The following WDR7 variants were observed in gnomAD, a reference collection of about 807,000 sequenced individuals.
WDR7 encodes WD repeat domain 7.
A neutral mutation model predicts 169.4 loss-of-function variants in WDR7; 46 were observed. That is an observed-to-expected ratio of 0.27 (90% confidence interval 0.21 to 0.35). The LOEUF (loss-of-function observed/expected upper bound fraction) is 0.35. Ranked by LOEUF, WDR7 falls within the 10% of genes least tolerant of loss-of-function variation. The pLI is 1.00. For synonymous variants in WDR7, 612 were observed against 666.8 expected (o/e 0.92, Z 1.27); for missense variants, 1,534 against 1,859.3 (o/e 0.83, Z 3.22).
chr18:56,655,014 T>C (rs1034203678), intron 1 of WDR7, among the ~76,000 whole-genome samples: 3 of 152,244 alleles, frequency 2.0e-5, no homozygotes, highest in South Asian at 2.1e-4. Flanking sequence ...TCTAACACTA[T>C]ACTGTTTTAA....
chr18:56,719,424 T>C (rs1330050204), intron 13 of WDR7, among the ~76,000 whole-genome samples: 1 of 151,990 alleles, frequency 6.6e-6, no homozygotes, highest in Non-Finnish European at 1.5e-5. Flanking sequence ...TAGCCGGGCA[T>C]GTTGGCGGGC....
intron 20 of WDR7, among the ~76,000 whole-genome samples, chr18:56,862,811 T>G (rs1428890241): frequency 1.3e-5 from 2 of 151,892 alleles, no homozygotes; most frequent in African/African-American, 4.8e-5. Context: ...ATTGATATTC[T>G]GGTAACCATG....
In WDR7 at chr18:56,854,341, A is replaced by G. The variant is rs928326384; in HGVS notation, c.3305-25603A>G. 3.3e-5 allele frequency among the ~76,000 whole-genome samples: 5 copies of G among 152,256 alleles called. No homozygotes were observed. In the East Asian group the frequency reaches 7.7e-4, roughly 23 times the overall value. On this transcript the variant is annotated intron_variant, in intron 20 of 27. Coordinates refer to ENST00000254442, the MANE Select transcript of WDR7 (RefSeq NM_015285.3). ...AGAACTTAGGGAAACACATACTTGTATCTTCTGGTTTATCATAAAGGATAT... is the reference window on the plus strand; with the variant it reads ...AGAACTTAGGGAAACACATACTTGTGTCTTCTGGTTTATCATAAAGGATAT...
intron 20 of WDR7, among the ~76,000 whole-genome samples, chr18:56,820,029 A>T (rs1323072536): frequency 6.6e-6 from 1 of 152,036 alleles, no homozygotes; most frequent in African/African-American, 2.4e-5. Context: ...GATTGATCAT[A>T]ATCTGCTTAA....
At chr18:56,731,276 A>T (rs569604449) in intron 13 of WDR7, 107 bp from the exon 14 acceptor site, 1 of 1,330,866 alleles carries the variant, frequency 7.5e-7, no homozygotes, top group South Asian at 1.5e-5. Flanking sequence ...GGAGGCATTG[A>T]TAAAACATGT....
chr18:56,716,919 G>A (rs992112704), intron 12 of WDR7, among the ~76,000 whole-genome samples: 3 of 152,002 alleles, frequency 2.0e-5, no homozygotes, highest in Non-Finnish European at 2.9e-5. Context: ...ACCTATCAAC[G>A]TGTCCCATTT....
At chr18:56,839,459 T>G (rs77690276) in intron 20 of WDR7, among the ~76,000 whole-genome samples, 2,432 of 152,270 alleles carry the variant, frequency 0.016, 59 homozygotes, top group African/African-American at 0.054. Flanking sequence ...CTTATATGAT[T>G]AATAAGTTGA....
At chr18:56,780,770 A>T (rs1022866186) in intron 18 of WDR7, among the ~76,000 whole-genome samples, 27 of 152,240 alleles carry the variant, frequency 1.8e-4, no homozygotes, top group Non-Finnish European at 3.4e-4. Flanking sequence ...ATGGCACTCC[A>T]GCCTGGTCAA....
chr18:56,894,685 G>C (rs898976276), intron 21 of WDR7, among the ~76,000 whole-genome samples: 2 of 151,876 alleles, frequency 1.3e-5, no homozygotes, highest in African/African-American at 4.8e-5. Flanking sequence ...ATGAATCTTT[G>C]TCTATTTTGT....
intron 19 of WDR7, among the ~76,000 whole-genome samples, chr18:56,808,989 C>G (rs1312994528): frequency 6.6e-6 from 1 of 151,996 alleles, no homozygotes; most frequent in Non-Finnish European, 1.5e-5. Context: ...TCCTCTAATT[C>G]TCACTTCTAC....
chr18:57,015,416 A>G (rs1358884767), intron 26 of WDR7, among the ~76,000 whole-genome samples: 2 of 152,224 alleles, frequency 1.3e-5, no homozygotes, highest in African/African-American at 4.8e-5. Context: ...AATTTTCACA[A>G]ATTGATTGCT....
At chr18:57,020,910 G>A (rs1010832931) in intron 27 of WDR7, 61 bp downstream of exon 27, 1 of 1,514,942 alleles carries the variant, frequency 6.6e-7, no homozygotes, top group Non-Finnish European at 9.1e-7. Context: ...TTGGTAGTAA[G>A]CCTTCCTGTT....
chr18:56,725,672 G>C (rs890545449), intron 13 of WDR7, among the ~76,000 whole-genome samples: 3 of 152,156 alleles, frequency 2.0e-5, no homozygotes, highest in Non-Finnish European at 2.9e-5. Flanking sequence ...GATCGCATTT[G>C]TCAATTTTGG....
chr18:57,020,016 G>A (rs1291891289), intron 26 of WDR7, among the ~76,000 whole-genome samples: 1 of 152,150 alleles, frequency 6.6e-6, no homozygotes, highest in Non-Finnish European at 1.5e-5. Context: ...TCAGACTTGA[G>A]TATTGTTTTT....
chr18:56,738,544 C>T (rs1370782650), intron 14 of WDR7, among the ~76,000 whole-genome samples: 4 of 152,082 alleles, frequency 2.6e-5, no homozygotes, highest in Non-Finnish European at 5.9e-5. Flanking sequence ...GGTGACAGAG[C>T]GAGACCCTGT....
intron 5 of WDR7, among the ~76,000 whole-genome samples, chr18:56,685,375 C>T (rs2025423547): frequency 6.6e-6 from 1 of 152,170 alleles, no homozygotes; most frequent in African/African-American, 2.4e-5. Flanking sequence ...TAACATTCCC[C>T]TCCTTCACTC....
chr18:56,700,125 A>C (rs1389058346), intron 12 of WDR7, among the ~76,000 whole-genome samples: 2 of 152,156 alleles, frequency 1.3e-5, no homozygotes, highest in South Asian at 4.1e-4. Context: ...TGCATATTCA[A>C]AGATGACAAA....
chr18:56,974,782 G>A (rs915959893), intron 26 of WDR7, among the ~76,000 whole-genome samples: 5 of 152,150 alleles, frequency 3.3e-5, no homozygotes, highest in African/African-American at 9.7e-5. Flanking sequence ...AAAAGGGAAC[G>A]ACTACCTGGG....
At chr18:56,926,889 G>A (rs1279026849) in intron 22 of WDR7, among the ~76,000 whole-genome samples, 1 of 152,204 alleles carries the variant, frequency 6.6e-6, no homozygotes, top group Non-Finnish European at 1.5e-5. Flanking sequence ...GGGAAGTGGA[G>A]CAGCAATGTG....
Sources: gnomAD v4.1 joint callset for allele counts (sites outside exome capture counted in the v4.1 genomes callset) on GRCh38, gnomAD v4.1.1 for gene constraint, MANE v1.5 for transcripts, NCBI Gene and HGNC (gene_info 2026-07-23, HGNC 2026-07-21) for gene names.